Variants in GLDN observed in about 807,000 individuals in gnomAD.
GLDN encodes the protein gliomedin.
GLDN carries 47 observed loss-of-function variants against 56.5 expected under a neutral mutation model. The ratio of observed to expected loss-of-function variants is 0.83; its 90% CI spans 0.66 to 1.06. GLDN has a LOEUF of 1.06. GLDN is among the 50% of genes least tolerant of loss of function. The pLI is 0.00. For synonymous variants in GLDN, 332 were observed against 278.8 expected (o/e 1.19, Z -1.90); for missense variants, 782 against 714.3 (o/e 1.09, Z -1.08).
At chr15:51,401,821 A>G in intron 9 of GLDN, 78 bp downstream of exon 9, 2 of 1,333,088 alleles carry the variant, frequency 1.5e-6, no homozygotes, top group Non-Finnish European at 2.1e-6. Flanking sequence ...AATTAGGGGT[A>G]GGGACTGTGT....
intron 1 of GLDN, among the ~76,000 whole-genome samples, chr15:51,363,942 CA>C (rs2037352461): frequency 6.6e-6 from 1 of 152,102 alleles, no homozygotes; most frequent in African/African-American, 2.4e-5. Flanking sequence ...GCATTGTCTC[CA>C]TTGAAGAAGG....
chr15:51,392,004 C>T (rs933808303), intron 4 of GLDN, among the ~76,000 whole-genome samples: 2 of 152,216 alleles, frequency 1.3e-5, no homozygotes, highest in Non-Finnish European at 2.9e-5. Context: ...CTACAGTTTT[C>T]TTCTAACAGT....
intron 4 of GLDN, among the ~76,000 whole-genome samples, chr15:51,386,714 A>G (rs2037902660): frequency 6.6e-6 from 1 of 152,114 alleles, no homozygotes; most frequent in African/African-American, 2.4e-5. Context: ...GGGCGGAAAG[A>G]CCCACAGGGA....
intron 1 of GLDN, among the ~76,000 whole-genome samples, chr15:51,346,520 G>A (rs2036981183): frequency 6.6e-6 from 1 of 152,178 alleles, no homozygotes; most frequent in Non-Finnish European, 1.5e-5. Context: ...TTCTCACAAT[G>A]TGTATAACAA....
intron 2 of GLDN, among the ~76,000 whole-genome samples, chr15:51,380,151 G>C (rs956639828): frequency 6.6e-6 from 1 of 152,156 alleles, no homozygotes; most frequent in African/African-American, 2.4e-5. Flanking sequence ...GGTGGGAGTT[G>C]GGACCCCACC....
At chr15:51,346,747 C>T (rs1291738631) in intron 1 of GLDN, among the ~76,000 whole-genome samples, 1 of 152,044 alleles carries the variant, frequency 6.6e-6, no homozygotes, top group Non-Finnish European at 1.5e-5. Context: ...AATGAAAACA[C>T]CACAAACAAA....
At chr15:51,391,265 A>C (rs983882294) in intron 4 of GLDN, among the ~76,000 whole-genome samples, 2 of 151,284 alleles carry the variant, frequency 1.3e-5, no homozygotes, top group African/African-American at 4.9e-5. Flanking sequence ...GGCAGCAGGA[A>C]CATTTCCCTG....
At chr15:51,371,622 T>G (rs2037518071) in intron 1 of GLDN, among the ~76,000 whole-genome samples, 1 of 152,252 alleles carries the variant, frequency 6.6e-6, no homozygotes, top group African/African-American at 2.4e-5. Flanking sequence ...CCCCTAACGC[T>G]ATTGTATTAG....
In GLDN at chr15:51,341,749, C is replaced by T; in HGVS notation, c.65C>T (p.Ala22Val). The T allele has an allele frequency of 6.8e-7, 1 of 1,471,582 alleles. No individual in the cohort carries two copies. The highest frequency in any genetic ancestry group is 8.9e-7 in the Non-Finnish European group (1 of 1,123,170). 91.2% of individuals were successfully genotyped at this position (1,471,582 alleles called of 1,614,324 possible). A position where few individuals can be genotyped will look rare whatever the true frequency, so the allele number is the denominator to read the frequency against. ...TGGGGCCTGCGTGGCGCCCTGGCGG[C>T]CGTGGCGCTGCTCTCGGCGCTCAAC... is the stretch of plus-strand genomic sequence containing the variant. ...AGWGLRGALAAVALLSALNAA... is the reference protein window; with the variant it reads ...AGWGLRGALAVVALLSALNAA... Residue 22 changes from alanine (A) to valine (V), a missense_variant, in exon 1 of 10, where the codon GCC becomes GTC. Coordinates refer to ENST00000335449, the MANE Select transcript of GLDN (RefSeq NM_181789.4).
chr15:51,354,785 G>A (rs912745209), intron 1 of GLDN, among the ~76,000 whole-genome samples: 3 of 152,192 alleles, frequency 2.0e-5, no homozygotes, highest in South Asian at 2.1e-4. Flanking sequence ...GGGAGCCATC[G>A]TAGAACCTTT....
intron 1 of GLDN, among the ~76,000 whole-genome samples, chr15:51,354,937 A>G (rs1045892564): frequency 1.3e-5 from 2 of 152,250 alleles, no homozygotes; most frequent in Non-Finnish European, 2.9e-5. Flanking sequence ...GAAACAATTC[A>G]CGTATGGCTA....
At chr15:51,379,768 C>G (rs1298568017) in intron 2 of GLDN, among the ~76,000 whole-genome samples, 3 of 152,162 alleles carry the variant, frequency 2.0e-5, no homozygotes, top group Non-Finnish European at 2.9e-5. Flanking sequence ...GGGATGGGTA[C>G]AGTTAGCATG....
chr15:51,384,009 G>A, intron 4 of GLDN, 117 bp downstream of exon 4: 2 of 830,186 alleles, frequency 2.4e-6, no homozygotes, highest in South Asian at 1.5e-5. Flanking sequence ...ACAGTTTAAG[G>A]CCGGTTTAAC....
intron 1 of GLDN, among the ~76,000 whole-genome samples, chr15:51,349,350 GCTGAGGATTTAGA>G (rs2037034097): frequency 6.6e-6 from 1 of 152,242 alleles, no homozygotes; most frequent in Admixed American, 6.5e-5. Context: ...TGTTGTAAAA[GCTGAGGATTTAGA>G]CTGGGGTCAG....
At chr15:51,350,456 C>T (rs1010094928) in intron 1 of GLDN, among the ~76,000 whole-genome samples, 1 of 152,098 alleles carries the variant, frequency 6.6e-6, no homozygotes, top group Non-Finnish European at 1.5e-5. Context: ...AGTGGGTTTC[C>T]GTGGCCCTTC....
intron 2 of GLDN, among the ~76,000 whole-genome samples, chr15:51,378,500 A>G (rs1345424268): frequency 6.6e-6 from 1 of 152,178 alleles, no homozygotes; most frequent in Non-Finnish European, 1.5e-5. Flanking sequence ...GCCTGTTGAG[A>G]GGCACAGGAA....
rs764149890 is a variant in GLDN at position 51,383,802 on chromosome 15, G to C, written c.451G>C (p.Gly151Arg). The C allele has an allele frequency of 6.2e-7, 1 of 1,610,928 alleles. No homozygotes were observed. Among genetic ancestry groups the C allele is most frequent in the South Asian group, 1.1e-5 (1 of 90,270 alleles). Reference sequence around the variant, plus strand: ...TGATGCAGGACCTCCGGGAGCCGGCGGGTTGCCAGGACACAACGGATTGGA... The same window carrying C: ...TGATGCAGGACCTCCGGGAGCCGGCCGGTTGCCAGGACACAACGGATTGGA... ...SGPPGPPGAG[G>R]LPGHNGLDGQ... Residue 151 changes from glycine to arginine, a missense_variant, in exon 4 of 10, where the codon GGG (glycine) becomes CGG (arginine). By Grantham distance (125) the Gly-to-Arg change is moderately radical. Coordinates refer to ENST00000335449, the MANE Select transcript of GLDN (RefSeq NM_181789.4).
Position 51,342,032 on chromosome 15 carries a change from C to G in GLDN, c.348C>G (p.Thr116=), listed in dbSNP as rs1317293902. The change falls in exon 1 of 10, where the codon ACC becomes ACG. Residue 116 remains threonine (T), a synonymous_variant. Coordinates refer to ENST00000335449, the MANE Select transcript of GLDN (RefSeq NM_181789.4). ...AESHDMLMMM[T]YSMVPIRVMV... ...GCCATGACATGCTGATGATGATGACCTACTCCATGGTGCCGGTAGGCGGGG... is the reference window on the plus strand; with the variant it reads ...GCCATGACATGCTGATGATGATGACGTACTCCATGGTGCCGGTAGGCGGGG... The G allele has an allele frequency of 3.1e-6, 5 of 1,594,798 alleles. No homozygotes were observed. The highest frequency in any genetic ancestry group is 3.3e-5 in the Admixed American group (2 of 59,704).
At chr15:51,343,009 T>C (rs908809713) in intron 1 of GLDN, among the ~76,000 whole-genome samples, 5 of 152,258 alleles carry the variant, frequency 3.3e-5, no homozygotes, top group African/African-American at 1.2e-4. Flanking sequence ...TTAGATCACA[T>C]TGCAGTTCCC....
Sources: gnomAD v4.1 joint callset for allele counts (sites outside exome capture counted in the v4.1 genomes callset) on GRCh38, gnomAD v4.1.1 for gene constraint, MANE v1.5 for transcripts, NCBI Gene and HGNC (gene_info 2026-07-23, HGNC 2026-07-21) for gene names.